Variants in STIM2 observed in about 807,000 individuals in gnomAD.
The protein encoded by STIM2 is stromal interaction molecule 2.
Under a neutral mutation model 85.8 loss-of-function variants are expected in STIM2, and 31 were observed. The ratio of observed to expected loss-of-function variants is 0.36; its 90% CI spans 0.27 to 0.49. The LOEUF is 0.49. Ranked by LOEUF, STIM2 falls within the 20% of genes least tolerant of loss-of-function variation. The probability of loss-of-function intolerance (pLI) is 0.98; values close to 1 mark genes in which losing one functional copy is unlikely to be tolerated. For missense variants in STIM2, 841 were observed against 927.6 expected (o/e 0.91, Z 1.21); for synonymous variants, 356 against 331.1 (o/e 1.08, Z -0.82).
At chr4:26,970,599 A>G (rs188811548) in intron 3 of STIM2, among the ~76,000 whole-genome samples, 6 of 152,234 alleles carry the variant, frequency 3.9e-5, no homozygotes, top group African/African-American at 1.4e-4. Flanking sequence ...GCTACATAGT[A>G]TTCCATGGTG....
At chr4:26,955,008 A>T (rs1235328077) in intron 2 of STIM2, among the ~76,000 whole-genome samples, 1 of 146,734 alleles carries the variant, frequency 6.8e-6, no homozygotes, top group East Asian at 1.9e-4. Flanking sequence ...GGAATTCTTT[A>T]TTATTTTTTC....
intron 5 of STIM2, among the ~76,000 whole-genome samples, chr4:27,000,299 G>T (rs898584321): frequency 6.6e-6 from 1 of 152,140 alleles, no homozygotes; most frequent in African/African-American, 2.4e-5. Context: ...TGGTGAAACA[G>T]CTGGAACTCC....
intron 1 of STIM2, among the ~76,000 whole-genome samples, chr4:26,898,298 TAA>T (rs941440245): frequency 2.0e-5 from 3 of 152,204 alleles, no homozygotes; most frequent in African/African-American, 7.2e-5. Context: ...GATTTGGTCT[TAA>T]GTTTTTAGAC....
chr4:26,920,899 T>A (rs1209762663), intron 2 of STIM2, among the ~76,000 whole-genome samples: 1 of 152,206 alleles, frequency 6.6e-6, no homozygotes, highest in African/African-American at 2.4e-5. Context: ...TTCTTCTTCT[T>A]CTAAAGTAGA....
chr4:26,959,926 A>G (rs185428374), intron 3 of STIM2, among the ~76,000 whole-genome samples: 1 of 152,296 alleles, frequency 6.6e-6, no homozygotes, highest in Admixed American at 6.5e-5. Context: ...AAGTAGTCTC[A>G]GTATTCCTAG....
Position 26,957,981 on chromosome 4 carries a change from A to G in STIM2, c.397+255A>G, listed in dbSNP as rs144875413. ...TAAGATAATGCATGTCTGAGAGCCT[A>G]AAGTTGTAAAGCATTATTTCAGCTA... On this transcript the variant is annotated intron_variant, in intron 3 of 11. Coordinates refer to ENST00000467087, the MANE Select transcript of STIM2 (RefSeq NM_020860.4). Among the ~76,000 whole-genome samples the G allele has an allele frequency of 3.6e-3, 555 of 152,300 alleles. 3 individuals carry two copies. Among genetic ancestry groups the G allele is most frequent in the African/African-American group, 0.013 (534 of 41,588 alleles).
chr4:27,002,868 T>TAA (rs5856961), intron 6 of STIM2, 59 bp from the exon 7 acceptor site: 1,208 of 1,299,002 alleles, frequency 9.3e-4, no homozygotes, highest in East Asian at 2.1e-3. Context: ...CATTATTTTG[T>TAA]AAAAAAAAAT....
intron 1 of STIM2, 82 bp from the exon 2 acceptor site, chr4:26,919,422 G>A: frequency 3.2e-6 from 5 of 1,559,230 alleles, no homozygotes; most frequent in Middle Eastern, 1.7e-4. Flanking sequence ...TAATTCTGTT[G>A]GTTTTCTTTT....
At chr4:26,861,552 C>G (rs1722197008) in intron 1 of STIM2, 183 bp downstream of exon 1, 1 of 937,896 alleles carries the variant, frequency 1.1e-6, no homozygotes, top group Admixed American at 4.5e-5. Context: ...CTTTTCACCC[C>G]GACACCCCGC....
chr4:26,900,457 C>T (rs537463328), intron 1 of STIM2, among the ~76,000 whole-genome samples: 24 of 152,146 alleles, frequency 1.6e-4, no homozygotes, highest in African/African-American at 5.3e-4. Flanking sequence ...ATTTTTTTCC[C>T]GCTCAGAATC....
chr4:26,999,120 C>T, intron 4 of STIM2, 112 bp from the exon 5 acceptor site: 1 of 369,648 alleles, frequency 2.7e-6, no homozygotes, highest in Admixed American at 4.9e-5. Flanking sequence ...CAACAGTGAT[C>T]ATCAATAATA....
At chr4:26,971,227 T>C (rs2109104539) in intron 3 of STIM2, among the ~76,000 whole-genome samples, 1 of 152,360 alleles carries the variant, frequency 6.6e-6, no homozygotes, top group South Asian at 2.1e-4. Context: ...TCTTTTGCCC[T>C]GCAGAAGCTC....
chr4:26,861,428 G>C (rs918111550), intron 1 of STIM2, 59 bp downstream of exon 1: 2 of 1,256,354 alleles, frequency 1.6e-6, no homozygotes, highest in African/African-American at 3.1e-5. Context: ...CCCCCAACCC[G>C]TGCAGAGGTC....
Position 27,022,615 on chromosome 4 carries a change from A to G in STIM2, c.1860A>G (p.Leu620=), listed in dbSNP as rs139227447. The change falls in exon 12 of 12, where the codon TTA becomes TTG. Residue 620 remains leucine (L), a synonymous_variant. Transcript: ENST00000467087. ...TAAGCCTCGAGATATACCAAACATTATCTCCGCGAAAGATATCAAGAGATG... is the reference window on the plus strand; with the variant it reads ...TAAGCCTCGAGATATACCAAACATTGTCTCCGCGAAAGATATCAAGAGATG... 2 of 1,614,156 alleles carry G rather than the reference A, an allele frequency of 1.2e-6. No individual in the cohort carries two copies. Among genetic ancestry groups the G allele is most frequent in the Non-Finnish European group, 1.7e-6 (2 of 1,179,974 alleles).
At chr4:26,999,571 A>G (rs1418042187) in intron 5 of STIM2, among the ~76,000 whole-genome samples, 1 of 152,228 alleles carries the variant, frequency 6.6e-6, no homozygotes, top group Non-Finnish European at 1.5e-5. Flanking sequence ...AAGAAGTTAT[A>G]TAAAAAACTA....
intron 4 of STIM2, among the ~76,000 whole-genome samples, chr4:26,998,539 G>A (rs1577487877): frequency 1.3e-5 from 2 of 152,104 alleles, no homozygotes; most frequent in Non-Finnish European, 2.9e-5. Context: ...TGCTATAGAT[G>A]TTAAATTAAG....
At chr4:26,938,298 A>G (rs1031964768) in intron 2 of STIM2, among the ~76,000 whole-genome samples, 8 of 152,140 alleles carry the variant, frequency 5.3e-5, no homozygotes, top group Non-Finnish European at 8.8e-5. Context: ...ACATTGTGAA[A>G]TGATTATTAT....
At chr4:26,960,614 G>T (rs1204685180) in intron 3 of STIM2, among the ~76,000 whole-genome samples, 1 of 152,148 alleles carries the variant, frequency 6.6e-6, no homozygotes, top group African/African-American at 2.4e-5. Flanking sequence ...TTGAGTACAG[G>T]CATTTCTGTT....
intron 1 of STIM2, among the ~76,000 whole-genome samples, chr4:26,890,396 A>G (rs1000191790): frequency 1.2e-4 from 19 of 152,310 alleles, no homozygotes; most frequent in African/African-American, 3.8e-4. Flanking sequence ...GAGTACTGCC[A>G]TGCATGCCCC....
Sources: allele counts gnomAD v4.1 joint callset (sites outside exome capture counted in the v4.1 genomes callset), GRCh38; gene constraint gnomAD v4.1.1; transcripts MANE v1.5; gene names NCBI Gene and HGNC (gene_info 2026-07-23, HGNC 2026-07-21).